THSD4: variants seen among roughly 807,000 people sequenced by gnomAD.
THSD4 encodes thrombospondin type-1 domain-containing protein 4.
A neutral mutation model predicts 119.0 loss-of-function variants in THSD4; 69 were observed. The observed-to-expected ratio is 0.58, with a 90% confidence interval of 0.48 to 0.71. The LOEUF (loss-of-function observed/expected upper bound fraction) is 0.71. THSD4 is among the 30% of genes least tolerant of loss of function. THSD4 has a pLI of 0.00. For synonymous variants in THSD4, 524 were observed against 540.4 expected (o/e 0.97, Z 0.42); for missense variants, 1,393 against 1,391.1 (o/e 1.00, Z -0.02).
rs370315564 is a variant in THSD4 at position 71,431,924 on chromosome 15, A to C, written c.1152+20101A>C. On this transcript the variant is annotated intron_variant, in intron 7 of 17. Transcript: ENST00000261862. ...ACACTAAGGACAATAAATTAAGAAG[A>C]AATCAGGAGGCATTCACAGAAATAG... Among the ~76,000 whole-genome samples the C allele has an allele frequency of 1.3e-4, 20 of 152,320 alleles. 1 individual carries two copies. Among genetic ancestry groups the C allele is most frequent in the African/African-American group, 4.8e-4 (20 of 41,570 alleles).
intron 7 of THSD4, among the ~76,000 whole-genome samples, chr15:71,630,261 G>A (rs1050767408): frequency 2.6e-5 from 4 of 152,176 alleles, no homozygotes; most frequent in African/African-American, 9.7e-5. Context: ...GGCTATTCCA[G>A]GGAGGGGAAA....
chr15:71,477,022 G>A (rs1595805268), intron 7 of THSD4, among the ~76,000 whole-genome samples: 1 of 152,182 alleles, frequency 6.6e-6, no homozygotes, highest in South Asian at 2.1e-4. Flanking sequence ...GCAAACTCAG[G>A]TTTCATGCTT....
At chr15:71,334,151 A>G (rs913691553) in intron 6 of THSD4, among the ~76,000 whole-genome samples, 9 of 152,236 alleles carry the variant, frequency 5.9e-5, no homozygotes, top group African/African-American at 2.2e-4. Flanking sequence ...CCAGAGCAGT[A>G]TATCAGCAAC....
chr15:71,155,929 C>T (rs2040772748), intron 3 of THSD4, among the ~76,000 whole-genome samples: 1 of 152,136 alleles, frequency 6.6e-6, no homozygotes, highest in Non-Finnish European at 1.5e-5. Context: ...CCCCAAAGGC[C>T]AGCCTCCCGG....
At chr15:71,134,716 T>C (rs887067611) in intron 1 of THSD4, among the ~76,000 whole-genome samples, 4 of 152,234 alleles carry the variant, frequency 2.6e-5, no homozygotes, top group Non-Finnish European at 5.9e-5. Context: ...CCACAATGGT[T>C]GAACTAGTTT....
At chr15:71,261,411 C>T (rs1396896717) in intron 6 of THSD4, among the ~76,000 whole-genome samples, 1 of 152,096 alleles carries the variant, frequency 6.6e-6, no homozygotes, top group African/African-American at 2.4e-5. Context: ...GATTTCTGGC[C>T]TCCAGAACTG....
At chr15:71,140,073 G>A (rs912729641) in intron 1 of THSD4, among the ~76,000 whole-genome samples, 24 of 152,234 alleles carry the variant, frequency 1.6e-4, no homozygotes, top group African/African-American at 4.6e-4. Context: ...ATTTATGGGC[G>A]AGAGATTTTA....
intron 7 of THSD4, among the ~76,000 whole-genome samples, chr15:71,444,792 C>G (rs1185305114): frequency 6.6e-6 from 1 of 152,202 alleles, no homozygotes; most frequent in East Asian, 1.9e-4. Flanking sequence ...CTTCTTTGGA[C>G]CATTGCAGTG....
intron 4 of THSD4, among the ~76,000 whole-genome samples, chr15:71,217,097 C>T (rs2043939231): frequency 6.6e-6 from 1 of 152,158 alleles, no homozygotes; most frequent in African/African-American, 2.4e-5. Context: ...GCGCCTGGCC[C>T]ATAGTCCCTT....
rs186996082 is a variant in THSD4, at chr15:71,777,778, A to C, written c.*404A>C. 166 of 204,300 alleles carry C rather than the reference A, an allele frequency of 8.1e-4. No homozygotes were observed. Among genetic ancestry groups the C allele is most frequent in the African/African-American group, 3.1e-3 (139 of 44,700 alleles). 12.7% of individuals were successfully genotyped at this position (204,300 alleles called of 1,614,324 possible). ...TCTTTCTAAACTTAGCACCCTGGAG[A>C]GTCCAAGGAGGCAGCGCCCCCAACC... is the stretch of plus-strand genomic sequence containing the variant. On this transcript the variant is annotated 3_prime_UTR_variant, in exon 18 of 18. Transcript: ENST00000261862.
chr15:71,242,405 C>T (rs9806623), intron 4 of THSD4, among the ~76,000 whole-genome samples: 3,157 of 152,254 alleles, frequency 0.021, 116 homozygotes, highest in African/African-American at 0.073. Context: ...CCACTTGCAT[C>T]ATCCACTGTT....
chr15:71,442,642 A>ATC (rs1289076777), intron 7 of THSD4, among the ~76,000 whole-genome samples: 1 of 24,730 alleles, frequency 4.0e-5, no homozygotes, highest in African/African-American at 2.1e-4. Context: ...ATGTGTGTGT[A>ATC]TATGTGTGTG....
At chr15:71,488,934 G>A (rs2047867953) in intron 7 of THSD4, among the ~76,000 whole-genome samples, 1 of 152,084 alleles carries the variant, frequency 6.6e-6, no homozygotes, top group African/African-American at 2.4e-5. Flanking sequence ...CTTCTCTTCA[G>A]TTTATTTCTT....
chr15:71,287,664 A>G (rs1291679561), intron 6 of THSD4, among the ~76,000 whole-genome samples: 1 of 152,208 alleles, frequency 6.6e-6, no homozygotes, highest in Non-Finnish European at 1.5e-5. Context: ...CTTGCTGAAA[A>G]TCGTCTTGCA....
chr15:71,707,912 A>T (rs1454916658), intron 8 of THSD4, among the ~76,000 whole-genome samples: 2 of 152,236 alleles, frequency 1.3e-5, no homozygotes, highest in African/African-American at 4.8e-5. Flanking sequence ...AGGGCTTGGG[A>T]ATAACCACTG....
intron 6 of THSD4, among the ~76,000 whole-genome samples, chr15:71,358,180 A>C (rs1001443569): frequency 6.6e-6 from 1 of 152,164 alleles, no homozygotes; most frequent in East Asian, 1.9e-4. Flanking sequence ...GAGAGCCTCA[A>C]AGGTGTCTCT....
chr15:71,626,360 T>C (rs751331834), intron 7 of THSD4, among the ~76,000 whole-genome samples: 3 of 152,230 alleles, frequency 2.0e-5, no homozygotes, highest in Non-Finnish European at 4.4e-5. Context: ...TTGAACAACA[T>C]GGTGACTGTG....
chr15:71,409,936 T>C, intron 6 of THSD4, among the ~76,000 whole-genome samples: 1 of 152,076 alleles, frequency 6.6e-6, no homozygotes, highest in East Asian at 1.9e-4. Context: ...ATCTTGTCTG[T>C]TTCTTTTGGA....
At chr15:71,654,468 C>A (rs4777429) in intron 7 of THSD4, among the ~76,000 whole-genome samples, 39,656 of 152,056 alleles carry the variant, frequency 0.26, 5,965 homozygotes, top group East Asian at 0.7. Context: ...CTGTGATGAG[C>A]CCTTCATACA....
Sources: allele counts gnomAD v4.1 joint callset (sites outside exome capture counted in the v4.1 genomes callset), GRCh38; gene constraint gnomAD v4.1.1; transcripts MANE v1.5; gene names NCBI Gene and HGNC (gene_info 2026-07-23, HGNC 2026-07-21).